TTC38: variants seen among roughly 807,000 people sequenced by gnomAD.
TTC38 encodes the protein tetratricopeptide repeat domain 38, also known as tetratricopeptide repeat protein 38.
A neutral mutation model predicts 64.2 loss-of-function variants in TTC38; 64 were observed. That is an observed-to-expected ratio of 1.00 (90% CI 0.81 to 1.23). The LOEUF (loss-of-function observed/expected upper bound fraction) is 1.23, where lower values mean the gene tolerates loss of function less well. Among genes scored for constraint, TTC38 ranks in the 50% most tolerant of loss-of-function variants. TTC38 has a pLI of 0.00. For missense variants in TTC38, 573 were observed against 615.5 expected (o/e 0.93, Z 0.73); for synonymous variants, 254 against 249.3 (o/e 1.02, Z -0.18).
Position 46,270,907 on chromosome 22 carries a change from C to T in TTC38, c.112-1428C>T, listed in dbSNP as rs116976261. ...ATCCCAGCTACTAAGGAGGGATTCT[C>T]CTACCAAGGCAGGAGAATTGCTTGA... is the stretch of plus-strand genomic sequence containing the variant. On this transcript the variant is annotated intron_variant, in intron 2 of 13. Transcript: ENST00000381031. The surrounding 1 kb of genome is among the most constrained non-coding windows in gnomAD (Gnocchi z 4.7). Among the ~76,000 whole-genome samples, 292 of 150,846 alleles carry T rather than the reference C, an allele frequency of 1.9e-3. 4 individuals are homozygous for T. The East Asian group carries it at 0.025, about 13-fold the overall frequency.
chr22:46,288,360 C>T, intron 10 of TTC38, 63 bp from the exon 11 acceptor site: 3 of 1,529,192 alleles, frequency 2.0e-6, no homozygotes, highest in Middle Eastern at 1.8e-4. Context: ...TGAGGGAGGC[C>T]CTTGCACGGG....
At position 46,291,167 on chromosome 22, in the gene TTC38, G is replaced by A. The variant is rs1035911490; in HGVS notation, c.1316+1268G>A. On this transcript the variant is annotated intron_variant, in intron 13 of 13. Transcript: ENST00000381031. This position sits in a 1 kb window ranked among gnomAD's most constrained non-coding sequence, Gnocchi z 4.6. The stretch of plus-strand genomic sequence containing the variant: ...AAAATGTCTTGGACGCATGCTCCCC[G>A]CTTTCCCCTTCCATGGCTGTAGACA... 2.0e-5 allele frequency among the ~76,000 whole-genome samples: 3 copies of A among 152,210 alleles called. No homozygotes were observed. In the South Asian group the frequency reaches 6.2e-4, roughly 32 times the overall value.
rs1213449257 is a variant in TTC38 at position 46,268,525 on chromosome 22, T to C, written c.45T>C (p.Asp15=). Reference sequence around the variant, plus strand: ...CTTGCCGTCTGTAGGCCTGGAAGGATGCGAGGCTCCCGCTCTCCACCACAA... The same window carrying C: ...CTTGCCGTCTGTAGGCCTGGAAGGACGCGAGGCTCCCGCTCTCCACCACAA... The part of the protein sequence containing the change: ...SPLRDCQAWK[D]ARLPLSTTSN... The change falls in exon 2 of 14, where the codon GAT becomes GAC. Residue 15 remains aspartate (D), a synonymous_variant. Transcript: ENST00000381031. The C allele has an allele frequency of 1.2e-6, 2 of 1,613,958 alleles. No homozygotes were observed. The highest frequency in any genetic ancestry group is 2.7e-5 in the African/African-American group (2 of 74,932).
chr22:46,278,623 A>AC lies in TTC38; in HGVS notation c.579dup (p.Asn194GlnfsTer17). On this transcript the variant is annotated frameshift_variant, in exon 6 of 14. Coordinates refer to ENST00000381031, the MANE Select transcript of TTC38 (RefSeq NM_017931.4). LOFTEE classifies it high-confidence loss of function. ...CATCTACTCTTTTGGCTTGATGGAA[A>AC]CCAACTTCTACGACCAGGCAGAAAA... 6.2e-7 allele frequency: 1 copy of AC among 1,614,138 alleles called. No homozygotes were observed. The highest frequency in any genetic ancestry group is 1.1e-5 in the South Asian group (1 of 91,084).
intron 1 of TTC38, 63 bp from the exon 2 acceptor site, chr22:46,268,451 T>A: frequency 6.6e-7 from 1 of 1,524,866 alleles, no homozygotes. Flanking sequence ...GAGACGTGTG[T>A]GTGTTGAAGT....
In TTC38 at chr22:46,281,535, C is replaced by T. The variant is rs373122068; in HGVS notation, c.616-64C>T. The T allele has an allele frequency of 2.4e-5, 38 of 1,593,302 alleles. No homozygotes were observed. The highest frequency in any genetic ancestry group is 1.3e-4 in the South Asian group (12 of 90,124). ...CTCTTGCCCCTTAGAGACCTGCCGT[C>T]GCCTGCCCCGGCAGCCTGACTGATC... On this transcript the variant is annotated intron_variant, in intron 6 of 13. Transcript: ENST00000381031. This position sits in a 1 kb window ranked among gnomAD's most constrained non-coding sequence, Gnocchi z 5.2.
At chr22:46,284,059 C>T in intron 8 of TTC38, 27 bp downstream of exon 8, 1 of 1,579,878 alleles carries the variant, frequency 6.3e-7, no homozygotes, top group South Asian at 1.1e-5. Context: ...TTTGCACTGT[C>T]TTATCCTATA....
Position 46,271,016 on chromosome 22 carries a change from A to T in TTC38, c.112-1319A>T, listed in dbSNP as rs1034509020. On this transcript the variant is annotated intron_variant, in intron 2 of 13. Transcript: ENST00000381031. This position sits in a 1 kb window ranked among gnomAD's most constrained non-coding sequence, Gnocchi z 5.5. ...GACAGGGCAAGATTCTGTCTCAATT[A>T]AAAAAAAAATGATAAAATGAGCTTT... 6.1e-5 allele frequency among the ~76,000 whole-genome samples: 7 copies of T among 114,626 alleles called. No individual in the cohort carries two copies. The highest frequency in any genetic ancestry group is 2.3e-4 in the Admixed American group (3 of 12,938). The allele number at this position is 114,626 out of a possible 152,430, so 75.2% of individuals were successfully genotyped here.
rs538848788 is a variant in TTC38, at chr22:46,289,869, G to T, written c.1286G>T (p.Cys429Phe). 1 of 1,614,046 alleles carries T rather than the reference G, an allele frequency of 6.2e-7. No homozygotes were observed. Among genetic ancestry groups the T allele is most frequent in the Non-Finnish European group, 8.5e-7 (1 of 1,180,034 alleles). ...CTGCTGATTCACGCGGCCTTAAACT[G>T]CACCTCCAGCGTCCATAAGAACGTA... ...NQLLIHAALN[C>F]TSSVHKNVAR... is the part of the protein sequence containing the mutation. The change falls in exon 13 of 14, where the codon TGC (cysteine) becomes TTC (phenylalanine). Residue 429 changes from cysteine to phenylalanine, a missense_variant. Transcript: ENST00000381031.
chr22:46,268,380 C>T, intron 1 of TTC38, 134 bp from the exon 2 acceptor site: 1 of 978,338 alleles, frequency 1.0e-6, no homozygotes, highest in Non-Finnish European at 1.5e-6. Flanking sequence ...TTGGAACCGG[C>T]CCAGGACTGG....
intron 5 of TTC38, among the ~76,000 whole-genome samples, chr22:46,277,071 AC>A: frequency 6.6e-6 from 1 of 151,034 alleles, no homozygotes; most frequent in Admixed American, 6.6e-5. Flanking sequence ...ACACACACAC[AC>A]ACACACACAC....
intron 6 of TTC38, chr22:46,279,958 G>A (rs1467011484): frequency 2.7e-6 from 1 of 368,920 alleles, no homozygotes; most frequent in East Asian, 8.1e-5. Flanking sequence ...CCGCACTGAG[G>A]GTGGCCAAAA....
In TTC38 at chr22:46,275,521, G is replaced by A. The variant is rs1936990456; in HGVS notation, c.539+100G>A. The stretch of plus-strand genomic sequence containing the variant: ...CTTGGCCCTGTCCTAAAAATAATGG[G>A]ACCACTGTTGCTATTCTCCTAGTTC... On this transcript the variant is annotated intron_variant, in intron 5 of 13. Transcript: ENST00000381031. The surrounding 1 kb of genome is among the most constrained non-coding windows in gnomAD (Gnocchi z 4.5). 1.7e-6 allele frequency: 2 copies of A among 1,198,322 alleles called. No individual in the cohort carries two copies. Among genetic ancestry groups the A allele is most frequent in the Admixed American group, 4.8e-5 (2 of 42,042 alleles). The allele number at this position is 1,198,322 out of a possible 1,614,324, so 74.2% of individuals were successfully genotyped here.
At position 46,289,832 on chromosome 22, in the gene TTC38, G is replaced by A; in HGVS notation, c.1249G>A (p.Val417Ile). The A allele has an allele frequency of 6.2e-6, 10 of 1,614,190 alleles. No homozygotes were observed. Among genetic ancestry groups the A allele is most frequent in the East Asian group, 2.2e-5 (1 of 44,870 alleles). Residue 417 changes from valine (V) to isoleucine (I), a missense_variant, in exon 13 of 14, where the codon GTC (valine) becomes ATC (isoleucine). Around this residue, in one of 3 missense-constraint regions of TTC38, gnomAD observed 371 missense variants for 381.8 expected, o/e 0.97. Transcript: ENST00000381031. Reference sequence around the variant, plus strand: ...TGCCCGATTGACATTTCAGAGAGACGTCTTCAACCAGCTGCTGATTCACGC... The same window carrying A: ...TGCCCGATTGACATTTCAGAGAGACATCTTCAACCAGCTGCTGATTCACGC... Reference protein sequence around the residue: ...QLGGSNAQRDVFNQLLIHAAL... With the variant: ...QLGGSNAQRDIFNQLLIHAAL...
At chr22:46,290,978 C>T (rs930300505) in intron 13 of TTC38, among the ~76,000 whole-genome samples, 13 of 152,180 alleles carry the variant, frequency 8.5e-5, no homozygotes, top group Non-Finnish European at 1.6e-4. Flanking sequence ...CAGGTGGCAG[C>T]CCGGGTCCAC....
In TTC38 at chr22:46,278,050, C is replaced by T. The variant is rs568335080; in HGVS notation, c.540-536C>T. Among the ~76,000 whole-genome samples, 218 of 152,348 alleles carry T rather than the reference C, an allele frequency of 1.4e-3. 1 individual carries two copies. Among genetic ancestry groups the T allele is most frequent in the African/African-American group, 5.0e-3 (208 of 41,578 alleles). ...ATGTAATGTTCACCTTGCCCCTCAC[C>T]AGTCAGAAGCATGGAATTGCTGACA... is the stretch of plus-strand genomic sequence containing the variant. On this transcript the variant is annotated intron_variant, in intron 5 of 13. Coordinates refer to ENST00000381031, the MANE Select transcript of TTC38 (RefSeq NM_017931.4).
In TTC38 at chr22:46,288,450, AT is replaced by A; in HGVS notation, c.945del (p.Asp315GlufsTer23). On this transcript the variant is annotated frameshift_variant, in exon 11 of 14. Transcript: ENST00000381031. LOFTEE classifies it high-confidence loss of function. ...GTGTCTGTGGGCCAGCGGTGGCAGG[AT>A]GTCCTGCCTGTGGCCCGGAAGCACA... ...EGVSVGQRWQ[D>X]VLPVARKHSR... is the part of the protein sequence containing the mutation. 1 of 1,613,866 alleles carries A rather than the reference AT, an allele frequency of 6.2e-7. No homozygotes were observed. Among genetic ancestry groups the A allele is most frequent in the South Asian group, 1.1e-5 (1 of 91,078 alleles).
intron 2 of TTC38, chr22:46,269,092 C>CG (rs762616880): frequency 9.6e-6 from 4 of 418,250 alleles, no homozygotes; most frequent in East Asian, 8.1e-5. Context: ...ATCTCTGCCC[C>CG]CCCCCCACAG....
At chr22:46,283,652 G>A (rs2077550435) in intron 7 of TTC38, among the ~76,000 whole-genome samples, 1 of 152,002 alleles carries the variant, frequency 6.6e-6, no homozygotes, top group Non-Finnish European at 1.5e-5. Context: ...AGAAGTTCGA[G>A]ACCACCCTGG....
Sources: gnomAD v4.1 joint callset for allele counts (sites outside exome capture counted in the v4.1 genomes callset) on GRCh38, gnomAD v4.1.1 for gene constraint, gnomAD v4.1.1 regional missense constraint, Gnocchi (gnomAD v3.1) non-coding constraint, MANE v1.5 for transcripts, NCBI Gene and HGNC (gene_info 2026-07-23, HGNC 2026-07-21) for gene names.